The following NEDD4L variants were observed in gnomAD, a reference collection of about 807,000 sequenced individuals.
NEDD4L encodes the protein E3 ubiquitin-protein ligase NEDD4-like.
Under a neutral mutation model 148.9 loss-of-function variants are expected in NEDD4L, and 54 were observed. That is an observed-to-expected ratio of 0.36 (90% confidence interval 0.29 to 0.45). The LOEUF is 0.45. Among genes scored for constraint, NEDD4L ranks in the 20% least tolerant of loss-of-function variants. The pLI, the probability that NEDD4L is intolerant of heterozygous loss-of-function variation, is 1.00. For synonymous variants in NEDD4L, 433 were observed against 440.7 expected (o/e 0.98, Z 0.22); for missense variants, 856 against 1,233.8 (o/e 0.69, Z 4.59).
At chr18:58,235,094 G>A (rs158867) in intron 2 of NEDD4L, among the ~76,000 whole-genome samples, 78,678 of 151,558 alleles carry the variant, frequency 0.52, 21,546 homozygotes, top group African/African-American at 0.72. Context: ...AAGATTGTAC[G>A]GGAAGGGCTT....
intron 8 of NEDD4L, 55 bp downstream of exon 8, chr18:58,323,389 G>A: frequency 1.1e-6 from 1 of 931,174 alleles, no homozygotes. Flanking sequence ...TTCATGTTTT[G>A]CTTTCAAACT....
At chr18:58,079,807 C>T (rs951471186) in intron 1 of NEDD4L, among the ~76,000 whole-genome samples, 95 of 152,196 alleles carry the variant, frequency 6.2e-4, no homozygotes, top group African/African-American at 2.1e-3. Flanking sequence ...GAACTCTGTA[C>T]GGAATGTGTC....
rs2081485879 is a variant in NEDD4L at position 58,044,589 on chromosome 18, G to A, written c.-72G>A. The A allele has an allele frequency of 6.6e-7, 1 of 1,503,766 alleles. No individual in the cohort carries two copies. The highest frequency in any genetic ancestry group is 2.1e-5 in the Admixed American group (1 of 46,746). The allele number at this position is 1,503,766 out of a possible 1,614,324, so 93.2% of individuals were successfully genotyped here. On this transcript the variant is annotated 5_prime_UTR_variant, in exon 1 of 31. Coordinates refer to ENST00000400345, the MANE Select transcript of NEDD4L (RefSeq NM_001144967.3). Reference sequence around the variant, plus strand: ...GGACCGGGGGGACCTGGAGGCAGAGGGGAGAACCGGCCGTCCGCGCCGCAG... The same window carrying A: ...GGACCGGGGGGACCTGGAGGCAGAGAGGAGAACCGGCCGTCCGCGCCGCAG...
intron 1 of NEDD4L, among the ~76,000 whole-genome samples, chr18:58,082,483 A>G (rs962161050): frequency 5.9e-5 from 9 of 151,424 alleles, no homozygotes; most frequent in Non-Finnish European, 1.2e-4. Context: ...CTTAAAAAAA[A>G]GCTTTGGGCT....
At chr18:58,215,926 C>T (rs1243374846) in intron 2 of NEDD4L, among the ~76,000 whole-genome samples, 1 of 151,032 alleles carries the variant, frequency 6.6e-6, no homozygotes, top group African/African-American at 2.4e-5. Context: ...AAGTTTGTTT[C>T]CAGTTTTTCA....
At chr18:58,245,566 C>T (rs1311779933) in intron 3 of NEDD4L, 58 bp downstream of exon 3, 32 of 885,250 alleles carry the variant, frequency 3.6e-5, no homozygotes, top group Non-Finnish European at 5.6e-5. Context: ...CAATTATGCA[C>T]AGTCATGTGC....
At position 58,186,846 on chromosome 18, in the gene NEDD4L, C is replaced by A. The variant is rs139490157; in HGVS notation, c.122+20985C>A. ...CCTTCTGATTCAGCTGGTCTGCAGC[C>A]CTGGCATTTCCAGCTCCTCAGGTGA... is the stretch of plus-strand genomic sequence containing the variant. On this transcript the variant is annotated intron_variant, in intron 2 of 30. Coordinates refer to ENST00000400345, the MANE Select transcript of NEDD4L (RefSeq NM_001144967.3). 7.4e-3 allele frequency among the ~76,000 whole-genome samples: 1,129 copies of A among 152,312 alleles called. 10 individuals are homozygous for A. Among genetic ancestry groups the A allele is most frequent in the African/African-American group, 0.023 (938 of 41,566 alleles).
chr18:58,098,498 C>T (rs1006862016), intron 1 of NEDD4L, among the ~76,000 whole-genome samples: 2 of 152,158 alleles, frequency 1.3e-5, no homozygotes, highest in African/African-American at 4.8e-5. Flanking sequence ...ATTCTCGAGG[C>T]CGACTGCCTG....
At chr18:58,357,049 A>AAATACTAAT in intron 18 of NEDD4L, 145 bp from the exon 19 acceptor site, 1 of 702,758 alleles carries the variant, frequency 1.4e-6, no homozygotes, top group Non-Finnish European at 2.4e-6. Context: ...GCTAACTCTG[A>AAATACTAAT]AATACTAATT....
intron 22 of NEDD4L, among the ~76,000 whole-genome samples, chr18:58,368,113 G>A (rs1271532321): frequency 2.6e-5 from 4 of 152,044 alleles, no homozygotes; most frequent in Non-Finnish European, 5.9e-5. Context: ...AGAACATTAT[G>A]TATTTATACA....
intron 5 of NEDD4L, among the ~76,000 whole-genome samples, chr18:58,281,655 GAAAAAGA>G (rs1442180470): frequency 2.0e-5 from 3 of 150,124 alleles, no homozygotes; most frequent in East Asian, 1.9e-4. Context: ...TGTTTTGGAG[GAAAAAGA>G]AAAAAGAAAA....
intron 1 of NEDD4L, among the ~76,000 whole-genome samples, chr18:58,073,509 A>C (rs763183317): frequency 3.3e-5 from 5 of 152,228 alleles, no homozygotes; most frequent in African/African-American, 4.8e-5. Flanking sequence ...AAGATGTGGT[A>C]TATCCATACA....
At chr18:58,321,122 T>C in intron 6 of NEDD4L, among the ~76,000 whole-genome samples, 1 of 152,222 alleles carries the variant, frequency 6.6e-6, no homozygotes, top group East Asian at 1.9e-4. Context: ...GGTGAGCAAA[T>C]TCAAGTCTCT....
chr18:58,115,810 C>T (rs2085785872), intron 1 of NEDD4L, among the ~76,000 whole-genome samples: 1 of 152,134 alleles, frequency 6.6e-6, no homozygotes, highest in South Asian at 2.1e-4. Flanking sequence ...TTAACTTCAC[C>T]TTTTGGGCAA....
At chr18:58,159,332 A>G (rs1197077848) in intron 1 of NEDD4L, among the ~76,000 whole-genome samples, 1 of 152,192 alleles carries the variant, frequency 6.6e-6, no homozygotes, top group Admixed American at 6.5e-5. Flanking sequence ...ACATGTCATT[A>G]TACATTTGTC....
rs4349234 is a variant in NEDD4L at position 58,055,764 on chromosome 18, T to A, written c.48+11056T>A. 3.3e-5 allele frequency among the ~76,000 whole-genome samples: 5 copies of A among 152,130 alleles called. No individual in the cohort carries two copies. In the East Asian group the frequency reaches 9.6e-4, roughly 29 times the overall value. ...TTTCATTTCTCTCCACTGTGGACACTTAAAGTTTGAATTTCCATCCTTCTG... is the reference window on the plus strand; with the variant it reads ...TTTCATTTCTCTCCACTGTGGACACATAAAGTTTGAATTTCCATCCTTCTG... On this transcript the variant is annotated intron_variant, in intron 1 of 30. Transcript: ENST00000400345.
At chr18:58,157,091 G>A (rs570148041) in intron 1 of NEDD4L, among the ~76,000 whole-genome samples, 1 of 151,514 alleles carries the variant, frequency 6.6e-6, no homozygotes, top group Non-Finnish European at 1.5e-5. Flanking sequence ...GGGAGGCTAA[G>A]GTGGGAGGAT....
intron 5 of NEDD4L, chr18:58,255,809 G>C: frequency 1.6e-6 from 2 of 1,232,504 alleles, no homozygotes; most frequent in African/African-American, 1.5e-5. Flanking sequence ...GGACGGCGGC[G>C]GAGGCCTGCA....
In NEDD4L at chr18:58,180,146, G is replaced by GA. The variant is rs139796292; in HGVS notation, c.122+14285_122+14286insA. Among the ~76,000 whole-genome samples, 296 of 152,304 alleles carry GA rather than the reference G, an allele frequency of 1.9e-3. 3 individuals are homozygous for GA. Among genetic ancestry groups the GA allele is most frequent in the African/African-American group, 6.7e-3 (278 of 41,568 alleles). ...CTGTGCATTGCCCTGGGTGAACGGG[G>GA]GCACAGAGGTCTTTGTGACGCCCTG... On this transcript the variant is annotated intron_variant, in intron 2 of 30. Transcript: ENST00000400345.
Sources: allele counts gnomAD v4.1 joint callset (sites outside exome capture counted in the v4.1 genomes callset), GRCh38; gene constraint gnomAD v4.1.1; transcripts MANE v1.5; gene names NCBI Gene and HGNC (gene_info 2026-07-23, HGNC 2026-07-21).